SPRED2: variants seen among roughly 807,000 people sequenced by gnomAD.
SPRED2 encodes the protein sprouty-related, EVH1 domain-containing protein 2.
SPRED2 carries 47 observed loss-of-function variants against 43.0 expected under a neutral mutation model. That is an observed-to-expected ratio of 1.09 (90% CI 0.87 to 1.40). The LOEUF (loss-of-function observed/expected upper bound fraction) is 1.40, where lower values mean the gene tolerates loss of function less well. SPRED2 is among the 40% of genes most tolerant of loss of function. SPRED2 has a pLI of 0.00. For synonymous variants in SPRED2, 225 were observed against 225.7 expected (o/e 1.00, Z 0.03); for missense variants, 561 against 586.4 (o/e 0.96, Z 0.45).
At chr2:65,431,919 G>A in intron 1 of SPRED2, 43 bp downstream of exon 1, 3 of 1,605,090 alleles carry the variant, frequency 1.9e-6, no homozygotes, top group African/African-American at 1.3e-5. Context: ...CCCCCACGCT[G>A]CCCCTGAGGG....
At chr2:65,366,142 A>G (rs1674966281) in intron 1 of SPRED2, among the ~76,000 whole-genome samples, 1 of 152,312 alleles carries the variant, frequency 6.6e-6, no homozygotes, top group East Asian at 1.9e-4. Flanking sequence ...ACAGTACTGA[A>G]AGAAATCCAA....
chr2:65,379,919 T>C (rs998522375), intron 1 of SPRED2, among the ~76,000 whole-genome samples: 2 of 152,188 alleles, frequency 1.3e-5, no homozygotes, highest in African/African-American at 4.8e-5. Flanking sequence ...TCGTGTTCCA[T>C]GGGGACATGC....
At chr2:65,382,561 G>A (rs1368719606) in intron 1 of SPRED2, among the ~76,000 whole-genome samples, 1 of 152,128 alleles carries the variant, frequency 6.6e-6, no homozygotes, top group Non-Finnish European at 1.5e-5. Flanking sequence ...CTGTCCCATA[G>A]AAATGGAAAC....
rs199542781 is a variant in SPRED2, at chr2:65,344,470, C to T, written c.204+249G>A. On this transcript the variant is annotated intron_variant, in intron 2 of 5. Transcript: ENST00000356388. ...ATGATAGACATCTTAATCAAAGATG[C>T]AAATAAAACAGCCAAATATACTTCT... is the stretch of plus-strand genomic sequence containing the variant. The T allele has an allele frequency of 8.2e-6, 5 of 609,570 alleles. 1 individual carries two copies. In the South Asian group the frequency reaches 8.2e-5, roughly 10 times the overall value. The allele number at this position is 609,570 out of a possible 1,614,324, so 37.8% of individuals were successfully genotyped here. A position where few individuals can be genotyped will look rare whatever the true frequency, so the allele number is the denominator to read the frequency against.
chr2:65,426,053 C>T (rs1404566802), intron 1 of SPRED2, among the ~76,000 whole-genome samples: 4 of 152,232 alleles, frequency 2.6e-5, no homozygotes, highest in African/African-American at 9.6e-5. Context: ...CAGCAGAACC[C>T]TGCAGCTATT....
intron 1 of SPRED2, among the ~76,000 whole-genome samples, chr2:65,401,937 G>GCGCGCGCACACACA (rs776512353): frequency 0.022 from 2,477 of 114,660 alleles, 31 homozygotes; most frequent in Middle Eastern, 0.034. Flanking sequence ...GCGCGCGCGC[G>GCGCGCGCACACACA]CACACACACA....
chr2:65,419,896 C>T (rs1445873483), intron 1 of SPRED2, among the ~76,000 whole-genome samples: 1 of 152,024 alleles, frequency 6.6e-6, no homozygotes, highest in Non-Finnish European at 1.5e-5. Flanking sequence ...AAGTTTTATT[C>T]ACCTTCTTCT....
intron 1 of SPRED2, among the ~76,000 whole-genome samples, chr2:65,386,777 T>A (rs573330661): frequency 2.6e-5 from 4 of 152,380 alleles, no homozygotes; most frequent in African/African-American, 9.6e-5. Context: ...TTCAGAAGTC[T>A]TGGGCATAAA....
intron 1 of SPRED2, among the ~76,000 whole-genome samples, chr2:65,386,049 C>T (rs756438195): frequency 1.2e-4 from 18 of 152,050 alleles, no homozygotes; most frequent in Non-Finnish European, 1.9e-4. Context: ...CTTTGGGAAG[C>T]GGGGGCGGGA....
intron 4 of SPRED2, among the ~76,000 whole-genome samples, chr2:65,318,538 C>G (rs1673313666): frequency 6.6e-6 from 1 of 151,872 alleles, no homozygotes; most frequent in South Asian, 2.1e-4. Flanking sequence ...CCCAACTAAA[C>G]AGATGAAAAG....
chr2:65,314,587 C>T (rs1241696299), intron 5 of SPRED2, among the ~76,000 whole-genome samples: 1 of 152,206 alleles, frequency 6.6e-6, no homozygotes, highest in Non-Finnish European at 1.5e-5. Flanking sequence ...CTCCTAGCCC[C>T]AGTGTGAGGG....
At position 65,312,021 on chromosome 2, in the gene SPRED2, C is replaced by A; in HGVS notation, c.*1480G>T. 1 of 985,400 alleles carries A rather than the reference C, an allele frequency of 1.0e-6. No homozygotes were observed. Among genetic ancestry groups the A allele is most frequent in the Non-Finnish European group, 1.2e-6 (1 of 829,924 alleles). The allele number at this position is 985,400 out of a possible 1,614,324, so 61.0% of individuals were successfully genotyped here. Reference sequence around the variant, plus strand: ...GAACAGCCGGCGTCCGCAAGCCTGTCCCCGGTGGTCTCCACGAGGTTCTGA... The same window carrying A: ...GAACAGCCGGCGTCCGCAAGCCTGTACCCGGTGGTCTCCACGAGGTTCTGA... On this transcript the variant is annotated 3_prime_UTR_variant, in exon 6 of 6. Transcript: ENST00000356388.
chr2:65,401,514 G>T (rs2103724415), intron 1 of SPRED2, among the ~76,000 whole-genome samples: 1 of 151,986 alleles, frequency 6.6e-6, no homozygotes, highest in African/African-American at 2.4e-5. Context: ...AGAAGGTATT[G>T]GCCAGGCGCG....
At chr2:65,327,913 G>A (rs755433653) in intron 4 of SPRED2, among the ~76,000 whole-genome samples, 16 of 151,334 alleles carry the variant, frequency 1.1e-4, no homozygotes, top group Non-Finnish European at 1.6e-4. Flanking sequence ...TAGTAGAGAT[G>A]GGGTTTCACC....
intron 1 of SPRED2, among the ~76,000 whole-genome samples, chr2:65,412,059 C>G (rs911993128): frequency 6.7e-6 from 1 of 150,076 alleles, no homozygotes; most frequent in Non-Finnish European, 1.5e-5. Context: ...ACCCAGGAGG[C>G]AGAGCTTGCA....
Position 65,344,861 on chromosome 2 carries a change from A to G in SPRED2, c.62T>C (p.Met21Thr). The G allele has an allele frequency of 1.2e-6, 2 of 1,614,194 alleles. No individual in the cohort carries two copies. Among genetic ancestry groups the G allele is most frequent in the Non-Finnish European group, 1.7e-6 (2 of 1,180,038 alleles). ...SYIVRVKAVV[M>T]TRDDSSGGWF... ...TCCCCCGCTGGAGTCATCTCTGGTC[A>G]TAACCACAGCCTTGACACGCACAAT... Residue 21 changes from methionine (M) to threonine (T), a missense_variant, in exon 2 of 6, where the codon ATG becomes ACG. Physicochemically the swap from Met to Thr is moderately conservative, Grantham distance 81. This residue lies in a region of SPRED2 where 305 missense variants were observed against 282.4 expected (regional missense o/e 1.08). Coordinates refer to ENST00000356388, the MANE Select transcript of SPRED2 (RefSeq NM_181784.3).
chr2:65,372,950 T>C (rs760572857), intron 1 of SPRED2, among the ~76,000 whole-genome samples: 48 of 152,240 alleles, frequency 3.2e-4, no homozygotes, highest in Non-Finnish European at 6.8e-4. Flanking sequence ...ACCTTGATGC[T>C]GGCCACAAAA....
chr2:65,392,033 T>A (rs1675648079), intron 1 of SPRED2, among the ~76,000 whole-genome samples: 1 of 152,136 alleles, frequency 6.6e-6, no homozygotes, highest in Non-Finnish European at 1.5e-5. Context: ...TCTCTTTTTA[T>A]AATCTCCTGA....
At chr2:65,430,931 G>A (rs1676668404) in intron 1 of SPRED2, among the ~76,000 whole-genome samples, 1 of 152,084 alleles carries the variant, frequency 6.6e-6, no homozygotes, top group South Asian at 2.1e-4. Flanking sequence ...GCCGCGCGGT[G>A]ACCGCTCAAA....
Sources: allele counts gnomAD v4.1 joint callset (sites outside exome capture counted in the v4.1 genomes callset), GRCh38; gene constraint gnomAD v4.1.1; regional missense constraint gnomAD v4.1.1; transcripts MANE v1.5; gene names NCBI Gene and HGNC (gene_info 2026-07-23, HGNC 2026-07-21).